The following KATNIP variants were observed in gnomAD, a reference collection of about 807,000 sequenced individuals.
KATNIP encodes katanin interacting protein.
In KATNIP, 126 loss-of-function variants were observed where a neutral mutation model predicts 174.0. That is an observed-to-expected ratio of 0.72 (90% CI 0.63 to 0.84). The LOEUF is 0.84. Ranked by LOEUF, KATNIP falls within the 40% of genes least tolerant of loss-of-function variation. The probability of loss-of-function intolerance (pLI) is 0.00; values close to 1 mark genes in which losing one functional copy is unlikely to be tolerated. For missense variants in KATNIP, 1,958 were observed against 2,109.7 expected, an observed-to-expected ratio of 0.93 and a Z score of 1.41; for synonymous variants, 810 against 835.7, an observed-to-expected ratio of 0.97 and a Z score of 0.53.
At chr16:27,627,324 A>G (rs955544608) in intron 3 of KATNIP, among the ~76,000 whole-genome samples, 1 of 152,370 alleles carries the variant, frequency 6.6e-6, no homozygotes, top group East Asian at 1.9e-4. Flanking sequence ...TACATAGTGC[A>G]GAAATGCTGT....
Position 27,761,474 on chromosome 16 carries a change from G to A in KATNIP, c.3693G>A (p.Leu1231=), listed in dbSNP as rs2144031085. The A allele has an allele frequency of 6.2e-7, 1 of 1,614,144 alleles. No individual in the cohort carries two copies. The part of the protein sequence containing the change: ...GDLHYLGLTG[L]EVVGKEGQAL... ...TGCACTACCTGGGGCTCACTGGCCT[G>A]GAAGTGGTGGGCAAGGAGGGCCAGG... Residue 1231 remains leucine, a synonymous_variant, in exon 19 of 28, where the codon CTG becomes CTA. Transcript: ENST00000261588.
chr16:27,687,650 C>T (rs1344739704), intron 8 of KATNIP: 3 of 152,156 alleles, frequency 2.0e-5, no homozygotes, highest in Non-Finnish European at 4.4e-5. Flanking sequence ...TTCTAGAAAC[C>T]TGTTGTCTTC....
Position 27,777,422 on chromosome 16 carries a change from T to C in KATNIP, c.4552-188T>C, listed in dbSNP as rs1458347289. Reference sequence around the variant, plus strand: ...CTCATCTGCAATGCATGCTGATAGCTCCTGCCTTTCCCAATGGTTGTGAAG... The same window carrying C: ...CTCATCTGCAATGCATGCTGATAGCCCCTGCCTTTCCCAATGGTTGTGAAG... On this transcript the variant is annotated intron_variant, in intron 25 of 27. Coordinates refer to ENST00000261588, the MANE Select transcript of KATNIP (RefSeq NM_015202.5). The surrounding 1 kb of genome is among the most constrained non-coding windows in gnomAD (Gnocchi z 4.4). 6.6e-6 allele frequency among the ~76,000 whole-genome samples: 1 copy of C among 152,188 alleles called. No individual in the cohort carries two copies. Among genetic ancestry groups the C allele is most frequent in the Non-Finnish European group, 1.5e-5 (1 of 68,036 alleles).
In KATNIP at chr16:27,776,958, C is replaced by T. The variant is rs2082520856; in HGVS notation, c.4480C>T (p.Pro1494Ser). 1 of 1,613,524 alleles carries T rather than the reference C, an allele frequency of 6.2e-7. No homozygotes were observed. Among genetic ancestry groups the T allele is most frequent in the Non-Finnish European group, 8.5e-7 (1 of 1,179,562 alleles). The change falls in exon 25 of 28, where the codon CCT becomes TCT. Residue 1494 changes from proline (P) to serine (S), a missense_variant. By Grantham distance (74) the Pro-to-Ser change is moderately conservative. Transcript: ENST00000261588. The surrounding 1 kb of genome is among the most constrained non-coding windows in gnomAD (Gnocchi z 4.7). ...CCGGGTTTATGTGATTTTCGATCTG[C>T]CTACCACCGTGTCAATGATCAAACT... ...VNRVYVIFDL[P>S]TTVSMIKLWN...
rs376671989 is a variant in KATNIP at position 27,721,709 on chromosome 16, G to T, written c.1743+14G>T. On this transcript the variant is annotated intron_variant, in intron 14 of 27. Coordinates refer to ENST00000261588, the MANE Select transcript of KATNIP (RefSeq NM_015202.5). ...ACAGCTGATGGCGTAAGTAACAGGCGCTGGTTCCCCACTGGGCACTGGGTT... is the reference window on the plus strand; with the variant it reads ...ACAGCTGATGGCGTAAGTAACAGGCTCTGGTTCCCCACTGGGCACTGGGTT... 11 of 1,612,470 alleles carry T rather than the reference G, an allele frequency of 6.8e-6. No individual in the cohort carries two copies. In the South Asian group the frequency reaches 1.1e-4, roughly 16 times the overall value.
chr16:27,557,914 A>G (rs1265673233), intron 1 of KATNIP, among the ~76,000 whole-genome samples: 1 of 152,214 alleles, frequency 6.6e-6, no homozygotes, highest in Non-Finnish European at 1.5e-5. Flanking sequence ...GTCTGTTAAC[A>G]CCAAATCAGA....
At chr16:27,595,671 A>G (rs2075313455) in intron 2 of KATNIP, among the ~76,000 whole-genome samples, 1 of 152,190 alleles carries the variant, frequency 6.6e-6, no homozygotes, top group South Asian at 2.1e-4. Context: ...ACACAAATCC[A>G]TGCCCCTGTA....
intron 6 of KATNIP, among the ~76,000 whole-genome samples, chr16:27,665,375 G>T (rs973759217): frequency 6.6e-5 from 10 of 151,828 alleles, no homozygotes. Context: ...AAAGTGCTGG[G>T]ATTATAGGCA....
chr16:27,596,242 A>T (rs527860409), intron 2 of KATNIP, among the ~76,000 whole-genome samples: 7 of 152,198 alleles, frequency 4.6e-5, no homozygotes, highest in Non-Finnish European at 1.0e-4. Context: ...GGGGGTGCTG[A>T]GAAGGGGCCT....
At position 27,648,752 on chromosome 16, in the gene KATNIP, C is replaced by T; in HGVS notation, c.540+17C>T. On this transcript the variant is annotated intron_variant, in intron 6 of 27. Coordinates refer to ENST00000261588, the MANE Select transcript of KATNIP (RefSeq NM_015202.5). ...CGTCCGCAGGTAGGGATGGCCTTGG[C>T]CTTGTGCTCGGGACACCTGAAGGAC... The T allele has an allele frequency of 6.2e-7, 1 of 1,610,224 alleles. No homozygotes were observed. The highest frequency in any genetic ancestry group is 1.3e-5 in the African/African-American group (1 of 74,962).
chr16:27,580,636 A>G (rs1239023584), intron 2 of KATNIP, among the ~76,000 whole-genome samples: 1 of 151,864 alleles, frequency 6.6e-6, no homozygotes, highest in Non-Finnish European at 1.5e-5. Flanking sequence ...TGCAGAACAT[A>G]TGCTTTGTCT....
In KATNIP at chr16:27,655,152, C is replaced by A. The variant is rs1181538848; in HGVS notation, c.540+6417C>A. On this transcript the variant is annotated intron_variant, in intron 6 of 27. Transcript: ENST00000261588. ...TCAAAACAAATATACAAACAAAAAC[C>A]GCTGGGCTGCTACCCCCTAGAATGG... Among the ~76,000 whole-genome samples the A allele has an allele frequency of 1.8e-4, 22 of 124,582 alleles. 1 individual carries two copies. In the Admixed American group the frequency reaches 1.9e-3, roughly 11 times the overall value. The allele number at this position is 124,582 out of a possible 152,430, so 81.7% of individuals were successfully genotyped here. A position where few individuals can be genotyped will look rare whatever the true frequency, so the allele number is the denominator to read the frequency against.
intron 14 of KATNIP, among the ~76,000 whole-genome samples, chr16:27,729,874 G>A (rs542727321): frequency 3.9e-5 from 6 of 152,078 alleles, no homozygotes; most frequent in South Asian, 2.1e-4. Context: ...AATCCAGCTC[G>A]TCCCTCCCCT....
chr16:27,616,473 C>T (rs536494117), intron 2 of KATNIP, among the ~76,000 whole-genome samples: 1 of 152,114 alleles, frequency 6.6e-6, no homozygotes, highest in Admixed American at 6.6e-5. Context: ...CACTTGTAAT[C>T]CCAGCAGTTT....
At chr16:27,575,580 G>A (rs1295252620) in intron 2 of KATNIP, among the ~76,000 whole-genome samples, 1 of 152,116 alleles carries the variant, frequency 6.6e-6, no homozygotes, top group East Asian at 1.9e-4. Context: ...GGCTCAGCTG[G>A]GTCCAGGGCC....
intron 8 of KATNIP, among the ~76,000 whole-genome samples, chr16:27,683,514 CCT>C (rs1468692038): frequency 6.6e-6 from 1 of 152,106 alleles, no homozygotes; most frequent in Non-Finnish European, 1.5e-5. Context: ...GGAGGCAACC[CCT>C]GTCGGCATGT....
chr16:27,663,488 G>A (rs1420500269), intron 6 of KATNIP, among the ~76,000 whole-genome samples: 1 of 151,444 alleles, frequency 6.6e-6, no homozygotes, highest in African/African-American at 2.4e-5. Context: ...TGTCGCCCAG[G>A]CTGGAGTGCA....
At position 27,776,510 on chromosome 16, in the gene KATNIP, G is replaced by C. The variant is rs1486946803; in HGVS notation, c.4450-418G>C. ...GGCGTTGCTTCTCAGTGATGGTTTG[G>C]GGAAAGGACAGACAGGGTCAGATGC... On this transcript the variant is annotated intron_variant, in intron 24 of 27. Coordinates refer to ENST00000261588, the MANE Select transcript of KATNIP (RefSeq NM_015202.5). This position sits in a 1 kb window ranked among gnomAD's most constrained non-coding sequence, Gnocchi z 4.7. Among the ~76,000 whole-genome samples the C allele has an allele frequency of 6.6e-6, 1 of 152,148 alleles. No homozygotes were observed. The highest frequency in any genetic ancestry group is 1.5e-5 in the Non-Finnish European group (1 of 68,020).
intron 27 of KATNIP, among the ~76,000 whole-genome samples, chr16:27,778,269 G>C (rs1267647004): frequency 1.3e-5 from 2 of 152,248 alleles, no homozygotes; most frequent in Non-Finnish European, 2.9e-5. Flanking sequence ...GTTTGCCCCG[G>C]GCCGTGGGAA....
Sources: gnomAD v4.1 joint callset for allele counts (sites outside exome capture counted in the v4.1 genomes callset) on GRCh38, gnomAD v4.1.1 for gene constraint, Gnocchi (gnomAD v3.1) non-coding constraint, MANE v1.5 for transcripts, NCBI Gene and HGNC (gene_info 2026-07-23, HGNC 2026-07-21) for gene names.